ZC2HC1B: variants seen among roughly 807,000 people sequenced by gnomAD.
The protein encoded by ZC2HC1B is zinc finger C2HC domain-containing protein 1B.
ZC2HC1B carries 36 observed loss-of-function variants against 31.0 expected under a neutral mutation model. The ratio of observed to expected loss-of-function variants is 1.16; its 90% CI spans 0.89 to 1.54. ZC2HC1B has a LOEUF of 1.54. Ranked by LOEUF, ZC2HC1B falls within the 40% of genes most tolerant of loss-of-function variation. The pLI is 0.00. For missense variants in ZC2HC1B, 260 were observed against 268.6 expected (o/e 0.97, Z 0.22); for synonymous variants, 73 against 88.0 (o/e 0.83, Z 0.95).
At chr6:143,929,291 T>A (rs930011255) in intron 6 of ZC2HC1B, among the ~76,000 whole-genome samples, 5 of 152,126 alleles carry the variant, frequency 3.3e-5, no homozygotes, top group African/African-American at 1.2e-4. Flanking sequence ...GGCATCATGA[T>A]AGGATGGTCA....
intron 6 of ZC2HC1B, among the ~76,000 whole-genome samples, chr6:143,925,906 C>T (rs1385957899): frequency 6.6e-6 from 1 of 152,138 alleles, no homozygotes; most frequent in Non-Finnish European, 1.5e-5. Flanking sequence ...AATTTGTTAG[C>T]ATATAGTTCT....
At chr6:143,907,670 A>G (rs183010242) in intron 6 of ZC2HC1B, among the ~76,000 whole-genome samples, 75 of 152,324 alleles carry the variant, frequency 4.9e-4, no homozygotes, top group Admixed American at 3.5e-3. Context: ...TAGATGCTAC[A>G]TATTTGACCT....
At chr6:143,936,588 A>G (rs997280861) in intron 6 of ZC2HC1B, among the ~76,000 whole-genome samples, 1 of 152,220 alleles carries the variant, frequency 6.6e-6, no homozygotes. Flanking sequence ...GGCTTTTGTT[A>G]TATGAATGAT....
intron 5 of ZC2HC1B, among the ~76,000 whole-genome samples, chr6:143,901,226 ATTTCTTTC>A (rs960045902): frequency 3.9e-5 from 5 of 129,598 alleles, no homozygotes; most frequent in Admixed American, 1.5e-4. Flanking sequence ...CAGGGTTTGA[ATTTCTTTC>A]TTTCTTTCTT....
chr6:143,933,302 G>A lies in ZC2HC1B; in HGVS notation c.599-4347G>A, dbSNP rs892830241. 6.6e-5 allele frequency among the ~76,000 whole-genome samples: 10 copies of A among 152,130 alleles called. No homozygotes were observed. The highest frequency in any genetic ancestry group is 1.4e-4 in the African/African-American group (6 of 41,426). ...CAGGAGGTGGTGCTTTTGAGAGTGC[G>A]CCAGCCAGCTGCAATAGTAGAGGGG... On this transcript the variant is annotated intron_variant, in intron 6 of 7. Transcript: ENST00000237275. This position sits in a 1 kb window ranked among gnomAD's most constrained non-coding sequence, Gnocchi z 6.4.
chr6:143,897,518 C>T (rs1441335489), intron 4 of ZC2HC1B, among the ~76,000 whole-genome samples: 1 of 151,746 alleles, frequency 6.6e-6, no homozygotes, highest in East Asian at 1.9e-4. Context: ...TATACAGAAC[C>T]ACAGAGAACC....
chr6:143,889,503 T>G (rs1195678745), intron 4 of ZC2HC1B, among the ~76,000 whole-genome samples: 2 of 151,652 alleles, frequency 1.3e-5, no homozygotes. Flanking sequence ...AAGATATACA[T>G]GCAGACAATA....
Position 143,918,240 on chromosome 6 carries a change from T to C in ZC2HC1B, c.598+15088T>C, listed in dbSNP as rs753951438. On this transcript the variant is annotated intron_variant, in intron 6 of 7. Transcript: ENST00000237275. This position sits in a 1 kb window ranked among gnomAD's most constrained non-coding sequence, Gnocchi z 4.1. ...AACTCAAGCTCCTGGGCTCAAGCAA[T>C]CCTCCTACCCCAGCCTCCTGAGTAG... Among the ~76,000 whole-genome samples the C allele has an allele frequency of 6.6e-6, 1 of 152,126 alleles. No homozygotes were observed. Among genetic ancestry groups the C allele is most frequent in the Non-Finnish European group, 1.5e-5 (1 of 68,040 alleles).
In ZC2HC1B at chr6:143,868,688, C is replaced by T. The variant is rs1025043167; in HGVS notation, c.28+4121C>T. 6.6e-6 allele frequency among the ~76,000 whole-genome samples: 1 copy of T among 152,168 alleles called. No individual in the cohort carries two copies. Among genetic ancestry groups the T allele is most frequent in the African/African-American group, 2.4e-5 (1 of 41,444 alleles). On this transcript the variant is annotated intron_variant, in intron 1 of 7. Transcript: ENST00000237275. This position sits in a 1 kb window ranked among gnomAD's most constrained non-coding sequence, Gnocchi z 4.2. ...CCATCACAAGTCTACCTCTTGTCAACTTCAACCCATACCCATCTCCTGAGA... is the reference window on the plus strand; with the variant it reads ...CCATCACAAGTCTACCTCTTGTCAATTTCAACCCATACCCATCTCCTGAGA...
intron 6 of ZC2HC1B, among the ~76,000 whole-genome samples, chr6:143,916,922 G>A (rs945444270): frequency 1.3e-5 from 2 of 152,312 alleles, no homozygotes; most frequent in African/African-American, 4.8e-5. Flanking sequence ...GCTGAAATGA[G>A]TTAAGACTTT....
Position 143,913,086 on chromosome 6 carries a change from C to G in ZC2HC1B, c.598+9934C>G, listed in dbSNP as rs1401844906. 6.6e-6 allele frequency among the ~76,000 whole-genome samples: 1 copy of G among 152,214 alleles called. No individual in the cohort carries two copies. Among genetic ancestry groups the G allele is most frequent in the South Asian group, 2.1e-4 (1 of 4,836 alleles). On this transcript the variant is annotated intron_variant, in intron 6 of 7. Transcript: ENST00000237275. The surrounding 1 kb of genome is among the most constrained non-coding windows in gnomAD (Gnocchi z 5.7). ...CCTGTCAACTTGGTCTCTCCAAAGC[C>G]CACAGTCCAGAACAGCTAAGTCATC...
At chr6:143,881,995 A>G (rs909343122) in intron 1 of ZC2HC1B, among the ~76,000 whole-genome samples, 7 of 152,122 alleles carry the variant, frequency 4.6e-5, no homozygotes, top group African/African-American at 1.7e-4. Flanking sequence ...CTCTAGTTGT[A>G]GTGACGGTTG....
In ZC2HC1B at chr6:143,898,609, A is replaced by T. The variant is rs1303491314; in HGVS notation, c.407A>T (p.His136Leu). 3.9e-6 allele frequency: 6 copies of T among 1,551,900 alleles called. No homozygotes were observed. Among genetic ancestry groups the T allele is most frequent in the African/African-American group, 1.4e-5 (1 of 73,182 alleles). ...TTTAATGAAAGCGCAGCTGAGCGAC[A>T]TACTAATTTCTGCAAGGATCAGTCT... ...RRFNESAAER[H>L]TNFCKDQSSR... is the part of the protein sequence containing the mutation. Residue 136 changes from histidine to leucine, a missense_variant, in exon 5 of 8, where the codon CAT becomes CTT. By Grantham distance (99) the His-to-Leu change is moderately conservative. Transcript: ENST00000237275.
At chr6:143,878,040 G>A (rs1219877803) in intron 1 of ZC2HC1B, among the ~76,000 whole-genome samples, 3 of 150,616 alleles carry the variant, frequency 2.0e-5, no homozygotes, top group African/African-American at 7.3e-5. Flanking sequence ...GCTGATTCTT[G>A]TTATTCATGG....
rs1375789167 is a variant in ZC2HC1B, at chr6:143,871,645, A to G, written c.28+7078A>G. Among the ~76,000 whole-genome samples, 1 of 152,206 alleles carries G rather than the reference A, an allele frequency of 6.6e-6. No individual in the cohort carries two copies. Among genetic ancestry groups the G allele is most frequent in the East Asian group, 1.9e-4 (1 of 5,200 alleles). On this transcript the variant is annotated intron_variant, in intron 1 of 7. Coordinates refer to ENST00000237275, the MANE Select transcript of ZC2HC1B (RefSeq NM_001013623.3). This position sits in a 1 kb window ranked among gnomAD's most constrained non-coding sequence, Gnocchi z 4.1. Reference sequence around the variant, plus strand: ...GTTGAACAGGGATGTGGTAGGAATCACCACCCTGAGTCTTTCAAGTCCTTG... The same window carrying G: ...GTTGAACAGGGATGTGGTAGGAATCGCCACCCTGAGTCTTTCAAGTCCTTG...
rs142260953 is a variant in ZC2HC1B at position 143,917,368 on chromosome 6, T to G, written c.598+14216T>G. 5.7e-3 allele frequency among the ~76,000 whole-genome samples: 866 copies of G among 152,366 alleles called. 7 individuals are homozygous for G. The highest frequency in any genetic ancestry group is 0.025 in the South Asian group (120 of 4,824). The stretch of plus-strand genomic sequence containing the variant: ...ACTAATACTACCGTCTTCTTTTGTT[T>G]TTAGTTGATTTTTGAAGCAAAACAT... On this transcript the variant is annotated intron_variant, in intron 6 of 7. Transcript: ENST00000237275. This position sits in a 1 kb window ranked among gnomAD's most constrained non-coding sequence, Gnocchi z 4.1.
intron 6 of ZC2HC1B, among the ~76,000 whole-genome samples, chr6:143,904,120 T>C (rs1277476568): frequency 6.6e-6 from 1 of 152,212 alleles, no homozygotes; most frequent in Admixed American, 6.5e-5. Context: ...AAGTGCTTAT[T>C]GGTCATTTGT....
Position 143,865,893 on chromosome 6 carries a change from G to A in ZC2HC1B, c.28+1326G>A, listed in dbSNP as rs1441036254. On this transcript the variant is annotated intron_variant, in intron 1 of 7. Coordinates refer to ENST00000237275, the MANE Select transcript of ZC2HC1B (RefSeq NM_001013623.3). The surrounding 1 kb of genome is among the most constrained non-coding windows in gnomAD (Gnocchi z 4.4). ...CGCAGTAGTGCGATCTCATCTCACT[G>A]CAACCTCCAACTCCCGGGTTCAGGC... Among the ~76,000 whole-genome samples, 3 of 152,066 alleles carry A rather than the reference G, an allele frequency of 2.0e-5. No individual in the cohort carries two copies. The highest frequency in any genetic ancestry group is 2.1e-4 in the South Asian group (1 of 4,828).
rs1777655760 is a variant in ZC2HC1B, at chr6:143,895,508, T to C, written c.350-3044T>C. On this transcript the variant is annotated intron_variant, in intron 4 of 7. Transcript: ENST00000237275. This position sits in a 1 kb window ranked among gnomAD's most constrained non-coding sequence, Gnocchi z 4.8. ...CATATAACTAGAGTTATATATAACA[T>C]GGCCTAACATGCATGAATGTGCCAG... Among the ~76,000 whole-genome samples, 1 of 152,212 alleles carries C rather than the reference T, an allele frequency of 6.6e-6. No individual in the cohort carries two copies. Among genetic ancestry groups the C allele is most frequent in the Admixed American group, 6.5e-5 (1 of 15,278 alleles).
Sources: gnomAD v4.1 joint callset for allele counts (sites outside exome capture counted in the v4.1 genomes callset) on GRCh38, gnomAD v4.1.1 for gene constraint, Gnocchi (gnomAD v3.1) non-coding constraint, MANE v1.5 for transcripts, NCBI Gene and HGNC (gene_info 2026-07-23, HGNC 2026-07-21) for gene names.